TAFA4: variants seen among roughly 807,000 people sequenced by gnomAD.
TAFA4 encodes chemokine-like protein TAFA-4.
TAFA4 carries 20 observed loss-of-function variants against 21.1 expected under a neutral mutation model. The ratio of observed to expected loss-of-function variants is 0.95; its 90% confidence interval spans 0.67 to 1.38. The LOEUF is 1.38. Among genes scored for constraint, TAFA4 ranks in the 40% most tolerant of loss-of-function variants. The pLI is 0.00. For synonymous variants in TAFA4, 71 were observed against 67.4 expected, an observed-to-expected ratio of 1.05 and a Z score of -0.26; for missense variants, 211 against 180.9, an observed-to-expected ratio of 1.17 and a Z score of -0.95.
chr3:68,778,984 G>A (rs1171335879), intron 3 of TAFA4, among the ~76,000 whole-genome samples: 2 of 152,196 alleles, frequency 1.3e-5, no homozygotes, highest in Non-Finnish European at 2.9e-5. Context: ...CTTGTTGAAT[G>A]GCTTTGCCCA....
intron 3 of TAFA4, among the ~76,000 whole-genome samples, chr3:68,841,742 T>C (rs1455642681): frequency 1.3e-5 from 2 of 151,178 alleles, no homozygotes; most frequent in Non-Finnish European, 2.9e-5. Flanking sequence ...TTCCCCTCCC[T>C]GTGTCCGTGT....
intron 3 of TAFA4, among the ~76,000 whole-genome samples, chr3:68,774,384 G>T (rs149978108): frequency 6.6e-6 from 1 of 152,054 alleles, no homozygotes; most frequent in Non-Finnish European, 1.5e-5. Context: ...CTCTTGAACC[G>T]GAGGGAAAGA....
intron 3 of TAFA4, among the ~76,000 whole-genome samples, chr3:68,772,307 A>G (rs1702973507): frequency 6.6e-6 from 1 of 152,236 alleles, no homozygotes; most frequent in South Asian, 2.1e-4. Flanking sequence ...ATACTTAAAA[A>G]GTTGGTAAAT....
chr3:68,879,313 G>A (rs2089589314), intron 3 of TAFA4, among the ~76,000 whole-genome samples: 1 of 152,118 alleles, frequency 6.6e-6, no homozygotes, highest in African/African-American at 2.4e-5. Context: ...GTGATCCTGA[G>A]TTCTCCATCA....
intron 3 of TAFA4, among the ~76,000 whole-genome samples, chr3:68,818,914 G>A (rs778524398): frequency 2.0e-5 from 3 of 152,196 alleles, no homozygotes; most frequent in Non-Finnish European, 4.4e-5. Flanking sequence ...ACATGCTGCT[G>A]GAAAAATGGC....
At chr3:68,819,656 G>C (rs1317443516) in intron 3 of TAFA4, among the ~76,000 whole-genome samples, 1 of 152,126 alleles carries the variant, frequency 6.6e-6, no homozygotes, top group Non-Finnish European at 1.5e-5. Context: ...GACCTGAATA[G>C]ATATTTCTCA....
chr3:68,797,986 A>C (rs1425786517), intron 3 of TAFA4, among the ~76,000 whole-genome samples: 4 of 152,250 alleles, frequency 2.6e-5, no homozygotes, highest in African/African-American at 4.8e-5. Context: ...TTAAATGTTT[A>C]ATGAAATAGG....
At chr3:68,856,072 T>C (rs761436485) in intron 3 of TAFA4, among the ~76,000 whole-genome samples, 1 of 151,994 alleles carries the variant, frequency 6.6e-6, no homozygotes, top group Non-Finnish European at 1.5e-5. Context: ...AGTTCTGGAC[T>C]ACCCGTCCAG....
chr3:68,828,465 G>T (rs907639496), intron 3 of TAFA4, among the ~76,000 whole-genome samples: 9 of 152,092 alleles, frequency 5.9e-5, no homozygotes, highest in African/African-American at 2.2e-4. Context: ...AATTACCTTG[G>T]GCAGTATGGC....
At chr3:68,775,573 C>G (rs1207434405) in intron 3 of TAFA4, among the ~76,000 whole-genome samples, 1 of 152,106 alleles carries the variant, frequency 6.6e-6, no homozygotes, top group East Asian at 1.9e-4. Context: ...GGGACAAGAG[C>G]AAAGAGAGAG....
intron 3 of TAFA4, among the ~76,000 whole-genome samples, chr3:68,756,804 G>A (rs1280076104): frequency 1.3e-5 from 2 of 152,176 alleles, no homozygotes; most frequent in African/African-American, 2.4e-5. Context: ...CAAGAGCGTT[G>A]ATTTCCCATA....
At chr3:68,919,220 C>G (rs1318427991) in intron 1 of TAFA4, among the ~76,000 whole-genome samples, 1 of 152,190 alleles carries the variant, frequency 6.6e-6, no homozygotes, top group Non-Finnish European at 1.5e-5. Flanking sequence ...ATTTACATAG[C>G]CATCAATTCA....
intron 3 of TAFA4, among the ~76,000 whole-genome samples, chr3:68,808,914 T>A (rs541219533): frequency 6.6e-6 from 1 of 152,176 alleles, no homozygotes; most frequent in African/African-American, 2.4e-5. Context: ...ACCTGGAACA[T>A]TGCTGCTTAT....
At chr3:68,752,782 G>T in intron 4 of TAFA4, 81 bp downstream of exon 4, 1 of 1,569,794 alleles carries the variant, frequency 6.4e-7, no homozygotes, top group Non-Finnish European at 8.8e-7. Context: ...TCTTTGGGTT[G>T]CAAAGACAGT....
At chr3:68,890,324 T>G (rs114752831) in intron 1 of TAFA4, among the ~76,000 whole-genome samples, 4,107 of 152,270 alleles carry the variant, frequency 0.027, 180 homozygotes, top group African/African-American at 0.093. Flanking sequence ...TTCATTAAAT[T>G]GGAAATTATA....
intron 1 of TAFA4, among the ~76,000 whole-genome samples, chr3:68,896,133 G>C: frequency 6.6e-6 from 1 of 152,216 alleles, no homozygotes; most frequent in Non-Finnish European, 1.5e-5. Context: ...AGAGAGGTAG[G>C]AGGTAATGTT....
At chr3:68,901,980 T>C (rs1398426720) in intron 1 of TAFA4, among the ~76,000 whole-genome samples, 3 of 152,226 alleles carry the variant, frequency 2.0e-5, no homozygotes, top group Non-Finnish European at 2.9e-5. Flanking sequence ...TGAAGGGCTC[T>C]GTAAATTGCA....
intron 1 of TAFA4, among the ~76,000 whole-genome samples, chr3:68,923,342 A>G (rs1462811247): frequency 2.6e-5 from 4 of 152,170 alleles, no homozygotes; most frequent in Non-Finnish European, 5.9e-5. Flanking sequence ...CTTCCTTTGT[A>G]ATAACTCCAT....
chr3:68,803,717 T>C (rs1431411302), intron 3 of TAFA4, among the ~76,000 whole-genome samples: 5 of 150,506 alleles, frequency 3.3e-5, no homozygotes, highest in Non-Finnish European at 5.9e-5. Context: ...ATGTGACTCA[T>C]TGTCTTCCTA....
Sources: allele counts gnomAD v4.1 joint callset (sites outside exome capture counted in the v4.1 genomes callset), GRCh38; gene constraint gnomAD v4.1.1; transcripts MANE v1.5; gene names NCBI Gene and HGNC (gene_info 2026-07-23, HGNC 2026-07-21).